NECAP1: variants seen among roughly 807,000 people sequenced by gnomAD.
NECAP1 encodes adaptin ear-binding coat-associated protein 1.
NECAP1 carries 13 observed loss-of-function variants against 33.4 expected under a neutral mutation model. That is an observed-to-expected ratio of 0.39 (90% CI 0.25 to 0.62). The LOEUF (loss-of-function observed/expected upper bound fraction) is 0.62, where lower values mean the gene tolerates loss of function less well. Ranked by LOEUF, NECAP1 falls within the 20% of genes least tolerant of loss-of-function variation. The pLI is 0.52. For synonymous variants in NECAP1, 109 were observed against 125.2 expected (o/e 0.87, Z 0.86); for missense variants, 272 against 347.4 (o/e 0.78, Z 1.73).
At chr12:8,095,848 G>A in intron 7 of NECAP1, 145 bp downstream of exon 7, 2 of 1,089,870 alleles carry the variant, frequency 1.8e-6, no homozygotes, top group Middle Eastern at 2.0e-4. Flanking sequence ...AAATATAGTA[G>A]TGCTGGGAAT....
At chr12:8,082,687 G>T (rs1337264003) in intron 1 of NECAP1, 7 of 356,222 alleles carry the variant, frequency 2.0e-5, no homozygotes, top group Non-Finnish European at 3.7e-5. Context: ...ACTTTCAGTC[G>T]TGCTTGCTCC....
intron 3 of NECAP1, chr12:8,091,435 ACT>A: frequency 1.0e-5 from 3 of 301,168 alleles, no homozygotes; most frequent in South Asian, 4.4e-5. Context: ...TTTTCCTGCA[ACT>A]AGACGGGGGT....
chr12:8,091,392 T>G (rs1947542687), intron 3 of NECAP1: 1 of 248,912 alleles, frequency 4.0e-6, no homozygotes, highest in African/African-American at 2.2e-5. Flanking sequence ...TACAACTCAC[T>G]ATAATGTAGA....
At chr12:8,092,553 C>G (rs988294552) in intron 4 of NECAP1, 123 bp from the exon 5 acceptor site, 1 of 672,940 alleles carries the variant, frequency 1.5e-6, no homozygotes, top group Non-Finnish European at 2.5e-6. Flanking sequence ...GTTTCTCACT[C>G]TTTTTTATCT....
At chr12:8,082,410 A>T in intron 1 of NECAP1, 27 bp downstream of exon 1, 1 of 1,592,918 alleles carries the variant, frequency 6.3e-7, no homozygotes, top group Non-Finnish European at 8.6e-7. Flanking sequence ...GCTGCCGCAC[A>T]CGCGTACTCT....
intron 1 of NECAP1, among the ~76,000 whole-genome samples, chr12:8,084,870 A>T (rs765847004): frequency 1.3e-5 from 2 of 152,290 alleles, no homozygotes; most frequent in East Asian, 3.9e-4. Flanking sequence ...TGAAAGAAGA[A>T]ATCAGTAGAT....
chr12:8,088,220 A>G (rs1271984003), intron 1 of NECAP1, among the ~76,000 whole-genome samples: 2 of 152,188 alleles, frequency 1.3e-5, no homozygotes, highest in Non-Finnish European at 2.9e-5. Context: ...CTCGTCTCAT[A>G]TATTTTACTG....
At position 8,082,365 on chromosome 12, in the gene NECAP1, C is replaced by A; in HGVS notation, c.77C>A (p.Ala26Asp). The A allele has an allele frequency of 6.2e-7, 1 of 1,613,692 alleles. No individual in the cohort carries two copies. Among genetic ancestry groups the A allele is most frequent in the Non-Finnish European group, 8.5e-7 (1 of 1,179,644 alleles). ...DVSVYRIPPR[A>D]SNRGYRASDW... Reference sequence around the variant, plus strand: ...AGCGTCTACCGGATTCCGCCCCGGGCCTCCAACCGCGGTTACAGGTACTAA... The same window carrying A: ...AGCGTCTACCGGATTCCGCCCCGGGACTCCAACCGCGGTTACAGGTACTAA... The change falls in exon 1 of 8, where the codon GCC becomes GAC. Residue 26 changes from alanine to aspartate, a missense_variant. Transcript: ENST00000339754.
Position 8,083,898 on chromosome 12 carries a change from G to A in NECAP1, c.95+1515G>A, listed in dbSNP as rs184343868. Among the ~76,000 whole-genome samples the A allele has an allele frequency of 4.0e-5, 6 of 151,822 alleles. No homozygotes were observed. In the East Asian group the frequency reaches 1.2e-3, roughly 29 times the overall value. On this transcript the variant is annotated intron_variant, in intron 1 of 7. Coordinates refer to ENST00000339754, the MANE Select transcript of NECAP1 (RefSeq NM_015509.4). ...AGGGCTACAGGCATTGCCTCACAAT[G>A]CCTGGCTAATTTTTAAATTTTTTTG... is the stretch of plus-strand genomic sequence containing the variant.
At chr12:8,088,116 T>C (rs1326592817) in intron 1 of NECAP1, among the ~76,000 whole-genome samples, 2 of 152,208 alleles carry the variant, frequency 1.3e-5, no homozygotes, top group Non-Finnish European at 2.9e-5. Flanking sequence ...TCATAAATAA[T>C]CTTAGTTGTT....
At chr12:8,092,185 G>C (rs1176820172) in intron 4 of NECAP1, 1 of 341,906 alleles carries the variant, frequency 2.9e-6, no homozygotes, top group African/African-American at 2.2e-5. Context: ...GTTACCTTAT[G>C]TAGCTGACAT....
In NECAP1 at chr12:8,096,685, G is replaced by T. The variant is rs1420006308; in HGVS notation, c.*595G>T. ...GTGCTCAGTGAACATCCAGTGCTGG[G>T]TGCAGCTCCATCACCCTCTTGTGTG... On this transcript the variant is annotated 3_prime_UTR_variant, in exon 8 of 8. Coordinates refer to ENST00000339754, the MANE Select transcript of NECAP1 (RefSeq NM_015509.4). 1 of 152,702 alleles carries T rather than the reference G, an allele frequency of 6.5e-6. No individual in the cohort carries two copies. The highest frequency in any genetic ancestry group is 6.5e-5 in the Admixed American group (1 of 15,268). 9.5% of individuals were successfully genotyped at this position (152,702 alleles called of 1,614,324 possible).
intron 3 of NECAP1, chr12:8,090,662 G>A (rs906139283): frequency 5.1e-5 from 9 of 176,800 alleles, no homozygotes; most frequent in African/African-American, 2.1e-4. Context: ...TAAAAAATTA[G>A]CCAGGCGTGG....
At chr12:8,092,093 C>G in intron 4 of NECAP1, 2 of 479,618 alleles carry the variant, frequency 4.2e-6, no homozygotes, top group Non-Finnish European at 7.5e-6. Context: ...GATGCTCTGT[C>G]GAATTTGCCC....
rs760583238 is a variant in NECAP1, at chr12:8,092,817, G to A, written c.492+33G>A. On this transcript the variant is annotated intron_variant, in intron 5 of 7. Transcript: ENST00000339754. ...TGGTTTTTAAAAATTTTGTTTTCCT[G>A]TGCTTCCATAAGCCTATGACATCTT... 24 of 1,600,476 alleles carry A rather than the reference G, an allele frequency of 1.5e-5. No homozygotes were observed. In the Admixed American group the frequency reaches 1.5e-4, roughly 10 times the overall value.
chr12:8,090,884 G>A (rs145373854), intron 3 of NECAP1: 1,784 of 153,466 alleles, frequency 0.012, 45 homozygotes, highest in African/African-American at 0.04. Context: ...ATCATCTTAC[G>A]TGTGGGGCAG....
intron 6 of NECAP1, 129 bp downstream of exon 6, chr12:8,093,184 C>A (rs2120487522): frequency 1.1e-6 from 1 of 909,046 alleles, no homozygotes; most frequent in Non-Finnish European, 1.6e-6. Flanking sequence ...ATTCTGTCAG[C>A]TTCTAGCAAG....
chr12:8,095,847 A>G lies in NECAP1; in HGVS notation c.779+144A>G, dbSNP rs1947589006. On this transcript the variant is annotated intron_variant, in intron 7 of 7. Coordinates refer to ENST00000339754, the MANE Select transcript of NECAP1 (RefSeq NM_015509.4). Reference sequence around the variant, plus strand: ...AGAGTTCTAGTGAAGGAAATATAGTAGTGCTGGGAATGGGGGGACAAAAAA... The same window carrying G: ...AGAGTTCTAGTGAAGGAAATATAGTGGTGCTGGGAATGGGGGGACAAAAAA... 6 of 1,081,200 alleles carry G rather than the reference A, an allele frequency of 5.5e-6. No individual in the cohort carries two copies. The South Asian group carries it at 8.7e-5, about 16-fold the overall frequency. The allele number at this position is 1,081,200 out of a possible 1,614,324, so 67.0% of individuals were successfully genotyped here.
In NECAP1 at chr12:8,090,284, A is replaced by G; in HGVS notation, c.286A>G (p.Ile96Val). The change falls in exon 3 of 8, where the codon ATC becomes GTC. Residue 96 changes from isoleucine to valine, a missense_variant. Ile to Val is a conservative substitution (Grantham distance 29). Transcript: ENST00000339754. The part of the protein sequence containing the change: ...TDSSRYFVIR[I>V]QDGTGRSAFI... The stretch of plus-strand genomic sequence containing the variant: ...TTCTAGCCGCTACTTTGTAATCCGG[A>G]TCCAGGATGGTACTGGTAAGAGAAC... 1 of 1,614,160 alleles carries G rather than the reference A, an allele frequency of 6.2e-7. No homozygotes were observed. Among genetic ancestry groups the G allele is most frequent in the Non-Finnish European group, 8.5e-7 (1 of 1,179,992 alleles).
Sources: gnomAD v4.1 joint callset for allele counts (sites outside exome capture counted in the v4.1 genomes callset) on GRCh38, gnomAD v4.1.1 for gene constraint, MANE v1.5 for transcripts, NCBI Gene and HGNC (gene_info 2026-07-23, HGNC 2026-07-21) for gene names.